Variants in MCCC2 observed in about 807,000 individuals in gnomAD.
The protein encoded by MCCC2 is methylcrotonoyl-CoA carboxylase beta chain, mitochondrial.
MCCC2 carries 52 observed loss-of-function variants against 77.2 expected under a neutral mutation model. That is an observed-to-expected ratio of 0.67 (90% confidence interval 0.54 to 0.85). The LOEUF (loss-of-function observed/expected upper bound fraction) is 0.85, where lower values mean the gene tolerates loss of function less well. Ranked by LOEUF, MCCC2 falls within the 40% of genes least tolerant of loss-of-function variation. The pLI, the probability that MCCC2 is intolerant of heterozygous loss-of-function variation, is 0.00. For synonymous variants in MCCC2, 253 were observed against 248.4 expected (o/e 1.02, Z -0.18); for missense variants, 682 against 703.2 (o/e 0.97, Z 0.34).
In MCCC2 at chr5:71,639,590, T is replaced by C. The variant is rs557068804; in HGVS notation, c.1000-1413T>C. ...CTCCATATCAGCAACAAGGCTGTTT[T>C]TGCTTTCTCGACATTATGGATTTTT... On this transcript the variant is annotated intron_variant, in intron 10 of 16. Transcript: ENST00000340941. Among the ~76,000 whole-genome samples the C allele has an allele frequency of 5.3e-5, 8 of 152,368 alleles. No homozygotes were observed. In the South Asian group the frequency reaches 1.7e-3, roughly 32 times the overall value.
At chr5:71,625,570 T>C (rs1746505962) in intron 6 of MCCC2, among the ~76,000 whole-genome samples, 1 of 152,252 alleles carries the variant, frequency 6.6e-6, no homozygotes, top group African/African-American at 2.4e-5. Context: ...AGTGTTTCCC[T>C]GTGCTCATAG....
chr5:71,587,642 T>G, intron 1 of MCCC2, 88 bp downstream of exon 1: 19 of 1,472,380 alleles, frequency 1.3e-5, no homozygotes, highest in African/African-American at 1.4e-5. Flanking sequence ...TGCTGCTCTC[T>G]TGTCCGGAGC....
chr5:71,631,615 A>G lies in MCCC2; in HGVS notation c.739-506A>G, dbSNP rs372483957. ...GACTGCAGTGGCGCAATCTCGGCTC[A>G]CTGCAAGCTCCGCTTCCCGGGTTCA... On this transcript the variant is annotated intron_variant, in intron 7 of 16. Transcript: ENST00000340941. Among the ~76,000 whole-genome samples the G allele has an allele frequency of 7.4e-4, 107 of 144,252 alleles. 1 individual carries two copies. The East Asian group carries it at 0.019, about 26-fold the overall frequency. The allele number at this position is 144,252 out of a possible 152,430, so 94.6% of individuals were successfully genotyped here.
chr5:71,603,779 T>C (rs1745551991), intron 5 of MCCC2, among the ~76,000 whole-genome samples: 1 of 152,182 alleles, frequency 6.6e-6, no homozygotes, highest in African/African-American at 2.4e-5. Flanking sequence ...ACTAAGTGCT[T>C]TCTATACATT....
At chr5:71,614,857 A>G (rs2112375565) in intron 6 of MCCC2, among the ~76,000 whole-genome samples, 2 of 152,232 alleles carry the variant, frequency 1.3e-5, no homozygotes, top group South Asian at 4.2e-4. Context: ...AATCACGTTG[A>G]TACCTTTTCT....
intron 1 of MCCC2, among the ~76,000 whole-genome samples, chr5:71,588,573 A>C (rs1375006448): frequency 1.3e-5 from 2 of 152,190 alleles, no homozygotes; most frequent in Admixed American, 1.3e-4. Context: ...TGGAACTAAT[A>C]ATTTTGTAGG....
At chr5:71,641,951 T>G (rs1212113483) in intron 11 of MCCC2, among the ~76,000 whole-genome samples, 1 of 152,204 alleles carries the variant, frequency 6.6e-6, no homozygotes, top group Admixed American at 6.5e-5. Context: ...TTAAAAGCTT[T>G]TTGTTTGATA....
rs1747598779 is a variant in MCCC2 at position 71,656,968 on chromosome 5, A to G, written c.*108A>G. On this transcript the variant is annotated 3_prime_UTR_variant, in exon 17 of 17. Coordinates refer to ENST00000340941, the MANE Select transcript of MCCC2 (RefSeq NM_022132.5). ...TGAGGCTGTTACAGTAATTTTTTTA[A>G]CACTGTGCATTGTACTTTTCTACCT... 3 of 823,088 alleles carry G rather than the reference A, an allele frequency of 3.6e-6. No individual in the cohort carries two copies. Among genetic ancestry groups the G allele is most frequent in the Non-Finnish European group, 4.2e-6 (2 of 473,116 alleles). The allele number at this position is 823,088 out of a possible 1,614,324, so 51.0% of individuals were successfully genotyped here. A position where few individuals can be genotyped will look rare whatever the true frequency, so the allele number is the denominator to read the frequency against.
chr5:71,601,203 T>C (rs1219877345), intron 4 of MCCC2, among the ~76,000 whole-genome samples: 1 of 152,224 alleles, frequency 6.6e-6, no homozygotes. Context: ...TGACCTTTAA[T>C]AGACAAGCAG....
At chr5:71,632,323 T>A in intron 8 of MCCC2, 138 bp downstream of exon 8, 1 of 809,544 alleles carries the variant, frequency 1.2e-6, no homozygotes, top group Non-Finnish European at 2.1e-6. Context: ...TCTGCTGGTT[T>A]AATGTTCAAT....
At position 71,602,606 on chromosome 5, in the gene MCCC2, C is replaced by A. The variant is rs944412136; in HGVS notation, c.484C>A (p.Gln162Lys). Residue 162 changes from glutamine to lysine, a missense_variant, in exon 5 of 17, where the codon CAA becomes AAA. Transcript: ENST00000340941. ...KQLRAQEIAM[Q>K]NRLPCIYLVD... The stretch of plus-strand genomic sequence containing the variant: ...ATTACGGGCCCAAGAAATTGCCATG[C>A]AAAACAGGCTCCCCTGCATCTACTT... 2.5e-6 allele frequency: 4 copies of A among 1,614,114 alleles called. No individual in the cohort carries two copies. Among genetic ancestry groups the A allele is most frequent in the Admixed American group, 3.3e-5 (2 of 60,006 alleles).
At chr5:71,600,198 C>G (rs1279306038) in intron 4 of MCCC2, among the ~76,000 whole-genome samples, 1 of 151,812 alleles carries the variant, frequency 6.6e-6, no homozygotes. Context: ...TCCATGGAGA[C>G]AAGGGCAAGG....
chr5:71,609,887 A>G (rs1251507971), intron 6 of MCCC2, among the ~76,000 whole-genome samples: 1 of 151,860 alleles, frequency 6.6e-6, no homozygotes, highest in East Asian at 1.9e-4. Flanking sequence ...CTCGGGGGTC[A>G]GGGGTCAGGG....
chr5:71,596,446 TG>T, intron 3 of MCCC2, 82 bp downstream of exon 3: 1 of 1,204,832 alleles, frequency 8.3e-7, no homozygotes, highest in East Asian at 2.3e-5. Context: ...TCAGTTATTT[TG>T]AATTCTAGTT....
intron 16 of MCCC2, among the ~76,000 whole-genome samples, chr5:71,654,684 T>C (rs1033463049): frequency 6.6e-6 from 1 of 152,128 alleles, no homozygotes; most frequent in Non-Finnish European, 1.5e-5. Context: ...ATAAATCATC[T>C]CTTGAGAAAG....
At position 71,658,373 on chromosome 5, in the gene MCCC2, G is replaced by A. The variant is rs545075598; in HGVS notation, c.*1513G>A. The A allele has an allele frequency of 5.3e-5, 8 of 152,194 alleles. No individual in the cohort carries two copies. Among genetic ancestry groups the A allele is most frequent in the African/African-American group, 1.9e-4 (8 of 41,536 alleles). 9.4% of individuals were successfully genotyped at this position (152,194 alleles called of 1,614,324 possible). On this transcript the variant is annotated 3_prime_UTR_variant, in exon 17 of 17. Transcript: ENST00000340941. The stretch of plus-strand genomic sequence containing the variant: ...TCAGTTTAAACTCCACTTCCTTAGG[G>A]ATGTCTCTGTGACCTCCCTGTGCTG...
chr5:71,654,272 G>A (rs974632932), intron 16 of MCCC2, among the ~76,000 whole-genome samples: 6 of 152,180 alleles, frequency 3.9e-5, no homozygotes, highest in Non-Finnish European at 7.3e-5. Flanking sequence ...TGGATTACAG[G>A]CGTGAGCCAC....
intron 6 of MCCC2, among the ~76,000 whole-genome samples, chr5:71,609,802 T>C (rs528266696): frequency 3.9e-3 from 597 of 151,996 alleles, no homozygotes; most frequent in Middle Eastern, 0.017. Flanking sequence ...GACCCTCAGC[T>C]GCAGGTCTGT....
intron 5 of MCCC2, among the ~76,000 whole-genome samples, chr5:71,603,840 G>A (rs998023237): frequency 2.0e-5 from 3 of 151,804 alleles, no homozygotes; most frequent in East Asian, 1.9e-4. Context: ...TCTTCATTTC[G>A]TGGGTAAGGA....
Sources: allele counts gnomAD v4.1 joint callset (sites outside exome capture counted in the v4.1 genomes callset), GRCh38; gene constraint gnomAD v4.1.1; transcripts MANE v1.5; gene names NCBI Gene and HGNC (gene_info 2026-07-23, HGNC 2026-07-21).